The following PDE7B variants were observed in gnomAD, a reference collection of about 807,000 sequenced individuals.
The protein encoded by PDE7B is 3',5'-cyclic-AMP phosphodiesterase 7B.
Under a neutral mutation model 56.2 loss-of-function variants are expected in PDE7B, and 29 were observed. The observed-to-expected ratio is 0.52, with a 90% confidence interval of 0.38 to 0.70. The LOEUF (loss-of-function observed/expected upper bound fraction) is 0.70. Ranked by LOEUF, PDE7B falls within the 30% of genes least tolerant of loss-of-function variation. The pLI is 0.00. For missense variants in PDE7B, 490 were observed against 565.0 expected (o/e 0.87, Z 1.35); for synonymous variants, 197 against 196.9 (o/e 1.00, Z 0.00).
At chr6:135,978,563 T>A (rs561403922) in intron 2 of PDE7B, among the ~76,000 whole-genome samples, 35 of 152,290 alleles carry the variant, frequency 2.3e-4, no homozygotes, top group Admixed American at 1.2e-3. Flanking sequence ...ATAATTTTTT[T>A]ACTCTTATAA....
intron 2 of PDE7B, among the ~76,000 whole-genome samples, chr6:136,019,788 A>G (rs1304361705): frequency 1.3e-5 from 2 of 152,216 alleles, no homozygotes; most frequent in African/African-American, 2.4e-5. Context: ...TAGAGAAAGG[A>G]AAGTGTTATT....
At chr6:135,866,227 A>G (rs1027834100) in intron 1 of PDE7B, among the ~76,000 whole-genome samples, 4 of 152,160 alleles carry the variant, frequency 2.6e-5, no homozygotes, top group Admixed American at 2.6e-4. Flanking sequence ...ATTTTTTAAT[A>G]TATTCATAAA....
intron 2 of PDE7B, among the ~76,000 whole-genome samples, chr6:136,080,327 T>C (rs970546094): frequency 1.3e-5 from 2 of 152,224 alleles, no homozygotes; most frequent in Non-Finnish European, 2.9e-5. Context: ...CCCTGGAGGC[T>C]GAAAGTTTGG....
chr6:136,188,037 T>A (rs2128452410), intron 12 of PDE7B, among the ~76,000 whole-genome samples: 1 of 152,324 alleles, frequency 6.6e-6, no homozygotes, highest in African/African-American at 2.4e-5. Context: ...GCTCAAAGTT[T>A]AATGCTTTGA....
chr6:136,190,632 A>T (rs1407674632), intron 12 of PDE7B, among the ~76,000 whole-genome samples: 1 of 152,238 alleles, frequency 6.6e-6, no homozygotes, highest in East Asian at 1.9e-4. Flanking sequence ...ACTGAAAGCT[A>T]TCTTTTCATA....
intron 2 of PDE7B, among the ~76,000 whole-genome samples, chr6:135,982,486 C>T (rs1345712342): frequency 1.3e-5 from 2 of 152,144 alleles, no homozygotes; most frequent in Non-Finnish European, 2.9e-5. Context: ...ATCTGGTGCG[C>T]ATCCCTTGTT....
intron 1 of PDE7B, among the ~76,000 whole-genome samples, chr6:135,883,713 T>C (rs1562423999): frequency 6.6e-6 from 1 of 152,178 alleles, no homozygotes; most frequent in East Asian, 1.9e-4. Context: ...TCAATTTGGG[T>C]CAAAATAAAG....
chr6:136,010,122 C>A (rs561223938), intron 2 of PDE7B, among the ~76,000 whole-genome samples: 21 of 152,290 alleles, frequency 1.4e-4, no homozygotes, highest in African/African-American at 4.3e-4. Flanking sequence ...CATGTCATAT[C>A]TTTGTTCTCA....
At chr6:136,091,054 A>G (rs1428166637) in intron 2 of PDE7B, among the ~76,000 whole-genome samples, 2 of 152,058 alleles carry the variant, frequency 1.3e-5, no homozygotes, top group East Asian at 3.9e-4. Flanking sequence ...TTTCTGCCCT[A>G]TTTGCTTTTG....
intron 3 of PDE7B, among the ~76,000 whole-genome samples, chr6:136,134,972 A>T (rs1465543750): frequency 6.6e-6 from 1 of 151,932 alleles, no homozygotes. Flanking sequence ...AAAAAAAAAT[A>T]AGCATGTTAA....
intron 1 of PDE7B, among the ~76,000 whole-genome samples, chr6:135,876,952 C>A (rs1464528222): frequency 3.3e-5 from 5 of 151,476 alleles, no homozygotes; most frequent in Non-Finnish European, 7.4e-5. Context: ...GTGAAAATGT[C>A]CTTAGATTTC....
chr6:135,919,055 C>T (rs1217430516), intron 1 of PDE7B, among the ~76,000 whole-genome samples: 1 of 152,144 alleles, frequency 6.6e-6, no homozygotes, highest in Non-Finnish European at 1.5e-5. Context: ...ATTATTATAT[C>T]ACTTTTTCAG....
At chr6:135,994,116 C>CTGTGTGTGTGTGTGTGTG (rs3220309) in intron 2 of PDE7B, among the ~76,000 whole-genome samples, 2 of 138,726 alleles carry the variant, frequency 1.4e-5, no homozygotes, top group Admixed American at 7.2e-5. Flanking sequence ...TGTATTGGAT[C>CTGTGTGTGTGTGTGTGTG]TGTGTGTGTG....
chr6:135,923,082 A>C (rs6919578), intron 1 of PDE7B, among the ~76,000 whole-genome samples: 22,448 of 152,188 alleles, frequency 0.15, 1,920 homozygotes, highest in East Asian at 0.39. Flanking sequence ...AAGAGATATC[A>C]ATCCTGTTTT....
intron 2 of PDE7B, among the ~76,000 whole-genome samples, chr6:135,972,887 T>C (rs1029088438): frequency 6.6e-6 from 1 of 152,166 alleles, no homozygotes; most frequent in East Asian, 1.9e-4. Flanking sequence ...TAAAAAACAA[T>C]CTTTCACCCC....
At chr6:135,945,750 C>T (rs1774586619) in intron 1 of PDE7B, among the ~76,000 whole-genome samples, 1 of 152,126 alleles carries the variant, frequency 6.6e-6, no homozygotes, top group African/African-American at 2.4e-5. Flanking sequence ...AGCTCATCTT[C>T]GGTCTCCTTA....
chr6:135,899,379 T>C (rs921527257), intron 1 of PDE7B, among the ~76,000 whole-genome samples: 3 of 151,294 alleles, frequency 2.0e-5, no homozygotes, highest in Non-Finnish European at 4.4e-5. Flanking sequence ...ATGTATCTTA[T>C]CCAATGGCAA....
chr6:136,121,780 T>C (rs1777937608), intron 3 of PDE7B, among the ~76,000 whole-genome samples: 1 of 152,206 alleles, frequency 6.6e-6, no homozygotes, highest in Non-Finnish European at 1.5e-5. Flanking sequence ...GTAGAAGTTT[T>C]TTTAAAGTGC....
At chr6:136,012,001 A>C (rs1775902573) in intron 2 of PDE7B, among the ~76,000 whole-genome samples, 2 of 152,186 alleles carry the variant, frequency 1.3e-5, no homozygotes, top group Non-Finnish European at 2.9e-5. Flanking sequence ...ATTCTAAGTC[A>C]AGAACACATT....
Sources: gnomAD v4.1 joint callset for allele counts (sites outside exome capture counted in the v4.1 genomes callset) on GRCh38, gnomAD v4.1.1 for gene constraint, MANE v1.5 for transcripts, NCBI Gene and HGNC (gene_info 2026-07-23, HGNC 2026-07-21) for gene names.